Variants in RNF217 observed in about 807,000 individuals in gnomAD.
The protein encoded by RNF217 is E3 ubiquitin-protein ligase RNF217.
RNF217 carries 31 observed loss-of-function variants against 57.8 expected under a neutral mutation model. That is an observed-to-expected ratio of 0.54 (90% CI 0.40 to 0.72). RNF217 has a LOEUF of 0.72. Ranked by LOEUF, RNF217 falls within the 30% of genes least tolerant of loss-of-function variation. The pLI is 0.00. For synonymous variants in RNF217, 313 were observed against 294.0 expected (o/e 1.06, Z -0.66); for missense variants, 696 against 708.3 (o/e 0.98, Z 0.20).
At chr6:125,049,995 C>A (rs1161164222) in intron 2 of RNF217, among the ~76,000 whole-genome samples, 1 of 151,534 alleles carries the variant, frequency 6.6e-6, no homozygotes, top group Non-Finnish European at 1.5e-5. Context: ...ATATTGGGGG[C>A]AGTGAAGGGG....
chr6:125,019,703 T>C (rs1453566048), intron 1 of RNF217, among the ~76,000 whole-genome samples: 1 of 152,098 alleles, frequency 6.6e-6, no homozygotes, highest in Non-Finnish European at 1.5e-5. Context: ...ACAGGCACAC[T>C]GTCTGGTGCC....
intron 1 of RNF217, among the ~76,000 whole-genome samples, chr6:124,997,528 G>A (rs758752061): frequency 3.9e-5 from 6 of 152,184 alleles, no homozygotes; most frequent in Non-Finnish European, 5.9e-5. Flanking sequence ...CATAGCTGTA[G>A]TAATGACAGC....
chr6:125,016,250 CCTAATT>C (rs1366782827), intron 1 of RNF217, among the ~76,000 whole-genome samples: 1 of 152,016 alleles, frequency 6.6e-6, no homozygotes, highest in Non-Finnish European at 1.5e-5. Context: ...AAATTAAACA[CCTAATT>C]GTAGGCAAGA....
intron 1 of RNF217, among the ~76,000 whole-genome samples, chr6:124,967,257 C>A (rs1473579350): frequency 2.0e-5 from 3 of 152,196 alleles, no homozygotes; most frequent in African/African-American, 7.2e-5. Context: ...CCTTAACCCT[C>A]CTAAGTATTG....
intron 3 of RNF217, 83 bp from the exon 4 acceptor site, chr6:125,076,574 G>C (rs1788381624): frequency 3.6e-6 from 3 of 822,540 alleles, no homozygotes; most frequent in Non-Finnish European, 6.3e-6. Flanking sequence ...AAACTGGTAA[G>C]TGTTGTTTCA....
At chr6:125,008,926 A>T (rs2114341271) in intron 1 of RNF217, 1 of 189,746 alleles carries the variant, frequency 5.3e-6, no homozygotes, top group South Asian at 1.9e-4. Context: ...GCAACGTGTG[A>T]GTATTAGTTT....
At position 125,085,999 on chromosome 6, in the gene RNF217, G is replaced by C. The variant is rs985814682; in HGVS notation, c.*3062G>C. 2 of 151,860 alleles carry C rather than the reference G, an allele frequency of 1.3e-5. No individual in the cohort carries two copies. The highest frequency in any genetic ancestry group is 4.8e-5 in the African/African-American group (2 of 41,392). The allele number at this position is 151,860 out of a possible 1,614,324, so 9.4% of individuals were successfully genotyped here. On this transcript the variant is annotated 3_prime_UTR_variant, in exon 6 of 6. Transcript: ENST00000521654. The stretch of plus-strand genomic sequence containing the variant: ...TTATTGAATTAGTCCCCTGTTGAAT[G>C]GACTACAAGATTATTTTCACTTCTC...
At chr6:125,036,659 C>T (rs1193982258) in intron 1 of RNF217, among the ~76,000 whole-genome samples, 2 of 151,742 alleles carry the variant, frequency 1.3e-5, no homozygotes, top group Non-Finnish European at 2.9e-5. Context: ...CTACAAGTAA[C>T]GTAAACATAT....
Position 125,047,424 on chromosome 6 carries a change from G to T in RNF217, c.1116+1980G>T, listed in dbSNP as rs139054297. Among the ~76,000 whole-genome samples, 18 of 152,132 alleles carry T rather than the reference G, an allele frequency of 1.2e-4. No individual in the cohort carries two copies. The East Asian group carries it at 3.1e-3, about 26-fold the overall frequency. ...TACACATGTATTGAGAGTGAAATAT[G>T]TAAAAATTGACAAATAGAAGATTCT... On this transcript the variant is annotated intron_variant, in intron 2 of 5. Coordinates refer to ENST00000521654, the MANE Select transcript of RNF217 (RefSeq NM_001286398.3).
intron 4 of RNF217, 24 bp downstream of exon 4, chr6:125,076,882 G>T: frequency 6.3e-7 from 1 of 1,590,742 alleles, no homozygotes; most frequent in Non-Finnish European, 8.6e-7. Context: ...ATACTTATGG[G>T]TGTCTTCCCT....
intron 1 of RNF217, among the ~76,000 whole-genome samples, chr6:125,031,488 T>G (rs547062849): frequency 1.4e-4 from 22 of 152,302 alleles, no homozygotes; most frequent in Admixed American, 7.8e-4. Context: ...CTTAGAAATT[T>G]TTTTCATCAG....
rs150867973 is a variant in RNF217 at position 125,063,057 on chromosome 6, C to T, written c.1281+4951C>T. Among the ~76,000 whole-genome samples, 1,166 of 152,032 alleles carry T rather than the reference C, an allele frequency of 7.7e-3. 16 individuals are homozygous for T. The highest frequency in any genetic ancestry group is 0.026 in the African/African-American group (1,078 of 41,448). ...TTTGTAGACTTAGTCATTACAAAAC[C>T]AAGTCTAGTTCGTAATAGTTTTAAT... On this transcript the variant is annotated intron_variant, in intron 3 of 5. Transcript: ENST00000521654.
At chr6:125,067,378 A>G (rs1467131483) in intron 3 of RNF217, among the ~76,000 whole-genome samples, 1 of 152,180 alleles carries the variant, frequency 6.6e-6, no homozygotes, top group African/African-American at 2.4e-5. Flanking sequence ...CTGCTTGTTG[A>G]TTTTATGGTG....
chr6:125,062,507 C>T (rs1787774378), intron 3 of RNF217, among the ~76,000 whole-genome samples: 1 of 151,946 alleles, frequency 6.6e-6, no homozygotes, highest in Non-Finnish European at 1.5e-5. Flanking sequence ...GAAAACATAA[C>T]CCACCACATT....
In RNF217 at chr6:124,963,087, G is replaced by C; in HGVS notation, c.543G>C (p.Gln181His). The C allele has an allele frequency of 6.5e-7, 1 of 1,548,206 alleles. No homozygotes were observed. Among genetic ancestry groups the C allele is most frequent in the Non-Finnish European group, 8.7e-7 (1 of 1,154,386 alleles). ...SDLPEAPASEQLSPPASPPGA... is the reference protein window; with the variant it reads ...SDLPEAPASEHLSPPASPPGA... Reference sequence around the variant, plus strand: ...TGCCCGAGGCCCCCGCCTCGGAGCAGCTCTCGCCGCCCGCGTCGCCACCTG... The same window carrying C: ...TGCCCGAGGCCCCCGCCTCGGAGCACCTCTCGCCGCCCGCGTCGCCACCTG... The change falls in exon 1 of 6, where the codon CAG (glutamine) becomes CAC (histidine). Residue 181 changes from glutamine to histidine, a missense_variant. By Grantham distance (24) the Gln-to-His change is conservative. This residue lies in a region of RNF217 where 465 missense variants were observed against 386.8 expected (regional missense o/e 1.20). Transcript: ENST00000521654.
chr6:125,045,482 A>G (rs370689120), intron 2 of RNF217, 38 bp downstream of exon 2: 17 of 1,512,614 alleles, frequency 1.1e-5, no homozygotes, highest in Admixed American at 1.7e-5. Flanking sequence ...TAGATGTCAC[A>G]TGGCAGAAGC....
At chr6:125,059,092 T>G (rs773312285) in intron 3 of RNF217, among the ~76,000 whole-genome samples, 41 of 152,142 alleles carry the variant, frequency 2.7e-4, no homozygotes, top group Non-Finnish European at 5.3e-4. Flanking sequence ...TAATAATAAA[T>G]GTACAGATTT....
chr6:125,052,284 T>TTGTGTGTGTGTGTGTGTG (rs368469313), intron 2 of RNF217, among the ~76,000 whole-genome samples: 72 of 143,230 alleles, frequency 5.0e-4, no homozygotes, highest in African/African-American at 1.4e-3. Context: ...GTCATGCGTT[T>TTGTGTGTGTGTGTGTGTG]TGTGTGTGTG....
chr6:125,014,038 T>C (rs1785515987), intron 1 of RNF217, among the ~76,000 whole-genome samples: 1 of 152,250 alleles, frequency 6.6e-6, no homozygotes. Flanking sequence ...TGTTGTTCTC[T>C]GAATGGGAAC....
Sources: allele counts gnomAD v4.1 joint callset (sites outside exome capture counted in the v4.1 genomes callset), GRCh38; gene constraint gnomAD v4.1.1; regional missense constraint gnomAD v4.1.1; transcripts MANE v1.5; gene names NCBI Gene and HGNC (gene_info 2026-07-23, HGNC 2026-07-21).